Variants in KIF20B observed in about 807,000 individuals in gnomAD.
KIF20B encodes kinesin family member 20B.
Under a neutral mutation model 232.5 loss-of-function variants are expected in KIF20B, and 188 were observed. The observed-to-expected ratio is 0.81, with a 90% CI of 0.72 to 0.91. The LOEUF (loss-of-function observed/expected upper bound fraction) is 0.91, where lower values mean the gene tolerates loss of function less well. Among genes scored for constraint, KIF20B ranks in the 40% least tolerant of loss-of-function variants. The pLI, the probability that KIF20B is intolerant of heterozygous loss-of-function variation, is 0.00. For missense variants in KIF20B, 2,154 were observed against 2,055.9 expected (o/e 1.05, Z -0.92); for synonymous variants, 712 against 683.0 (o/e 1.04, Z -0.66).
chr10:89,762,878 T>C, intron 29 of KIF20B, 43 bp downstream of exon 29: 3 of 1,396,236 alleles, frequency 2.1e-6, no homozygotes, highest in Non-Finnish European at 3.0e-6. Flanking sequence ...ACAAATCTTA[T>C]TATAAAGCTG....
At position 89,738,297 on chromosome 10, in the gene KIF20B, TAC is replaced by T. The variant is rs778104096; in HGVS notation, c.3460_3461del (p.Gln1154ArgfsTer6). 7 of 1,612,080 alleles carry T rather than the reference TAC, an allele frequency of 4.3e-6. No homozygotes were observed. The Admixed American group carries it at 1.2e-4, about 27-fold the overall frequency. On this transcript the variant is annotated frameshift_variant, in exon 20 of 33. Transcript: ENST00000371728. LOFTEE classifies it high-confidence loss of function. ...AAGGAAAGAGAGCGCTTTCAGAACTTACACAAGGTGTTACTTGCTATAAGGCA... is the reference window on the plus strand; with the variant it reads ...AAGGAAAGAGAGCGCTTTCAGAACTTACAAGGTGTTACTTGCTATAAGGCA... The part of the protein sequence containing the change: ...VEGKRALSEL[T>X]QGVTCYKAKI...
intron 4 of KIF20B, among the ~76,000 whole-genome samples, 191 bp downstream of exon 4, chr10:89,709,652 GTTA>G (rs1337340889): frequency 4.0e-5 from 6 of 151,272 alleles, no homozygotes; most frequent in Middle Eastern, 3.4e-3. Flanking sequence ...TGTTATTAAA[GTTA>G]TTATTACTAT....
At chr10:89,748,859 C>G (rs1376614764) in intron 23 of KIF20B, among the ~76,000 whole-genome samples, 1 of 152,148 alleles carries the variant, frequency 6.6e-6, no homozygotes, top group Non-Finnish European at 1.5e-5. Flanking sequence ...CTATTTTAAT[C>G]TGACTTCCAC....
chr10:89,757,050 A>G (rs1337171007), intron 26 of KIF20B, among the ~76,000 whole-genome samples: 1,381 of 119,404 alleles, frequency 0.012, 17 homozygotes, highest in Middle Eastern at 0.022. Flanking sequence ...GTATATATAT[A>G]TATATATATA....
chr10:89,719,262 G>A (rs1842998115), intron 12 of KIF20B, among the ~76,000 whole-genome samples, 157 bp from the exon 13 acceptor site: 1 of 152,100 alleles, frequency 6.6e-6, no homozygotes, highest in African/African-American at 2.4e-5. Context: ...CTATCAGAAT[G>A]TTCTTTTAGG....
Position 89,768,900 on chromosome 10 carries a change from A to T in KIF20B, c.5242+12A>T, listed in dbSNP as rs1390481145. On this transcript the variant is annotated intron_variant, in intron 31 of 32. Coordinates refer to ENST00000371728, the MANE Select transcript of KIF20B (RefSeq NM_001284259.2). Reference sequence around the variant, plus strand: ...TCTTCAATCAAAAGGTTTGCAGAAAATTAATTAAATGACCTTTTTTTGTTA... The same window carrying T: ...TCTTCAATCAAAAGGTTTGCAGAAATTTAATTAAATGACCTTTTTTTGTTA... 6.4e-7 allele frequency: 1 copy of T among 1,574,646 alleles called. No homozygotes were observed. Among genetic ancestry groups the T allele is most frequent in the Non-Finnish European group, 8.6e-7 (1 of 1,166,236 alleles).
At chr10:89,740,405 C>T (rs1187608846) in intron 21 of KIF20B, among the ~76,000 whole-genome samples, 1 of 151,960 alleles carries the variant, frequency 6.6e-6, no homozygotes, top group Non-Finnish European at 1.5e-5. Flanking sequence ...CTGGGTGTAC[C>T]ACCCTCCTAA....
chr10:89,749,183 A>T lies in KIF20B; in HGVS notation c.4097-2163A>T, dbSNP rs191575242. Among the ~76,000 whole-genome samples the T allele has an allele frequency of 3.0e-3, 458 of 152,142 alleles. 3 individuals carry two copies. Among genetic ancestry groups the T allele is most frequent in the African/African-American group, 0.01 (427 of 41,520 alleles). The stretch of plus-strand genomic sequence containing the variant: ...GATTAAGATGTCGTTATCTTTTTTT[A>T]AAATTATTTTTTCCTTTAGAGAGAA... On this transcript the variant is annotated intron_variant, in intron 23 of 32. Transcript: ENST00000371728.
intron 23 of KIF20B, among the ~76,000 whole-genome samples, chr10:89,746,897 ATTC>A (rs1377176166): frequency 6.6e-6 from 1 of 152,256 alleles, no homozygotes; most frequent in Non-Finnish European, 1.5e-5. Context: ...CTTAAAGCTT[ATTC>A]TTAGAAAAAT....
At chr10:89,734,989 A>G (rs1049986603) in intron 19 of KIF20B, among the ~76,000 whole-genome samples, 2 of 152,208 alleles carry the variant, frequency 1.3e-5, no homozygotes, top group African/African-American at 2.4e-5. Context: ...CCAAATCACT[A>G]TCTTTGGTAT....
At position 89,751,331 on chromosome 10, in the gene KIF20B, T is replaced by C. The variant is rs1028984897; in HGVS notation, c.4097-15T>C. ...GAGGCTATTAATTTCTAAAATGTTC[T>C]CCCCCGATTTTTAGATCTAAATGTT... On this transcript the variant is annotated splice_polypyrimidine_tract_variant and intron_variant, in intron 23 of 32. Transcript: ENST00000371728. 1.5e-5 allele frequency: 23 copies of C among 1,580,988 alleles called. No individual in the cohort carries two copies. The highest frequency in any genetic ancestry group is 1.9e-5 in the Non-Finnish European group (22 of 1,166,772).
chr10:89,712,861 CTATTAT>C (rs960827957), intron 6 of KIF20B, among the ~76,000 whole-genome samples: 6 of 151,956 alleles, frequency 3.9e-5, no homozygotes, highest in African/African-American at 1.5e-4. Context: ...TATTTTTACC[CTATTAT>C]TATTAATGCA....
intron 6 of KIF20B, 75 bp downstream of exon 6, chr10:89,711,220 AT>A (rs1041344148): frequency 1.1e-6 from 1 of 916,846 alleles, no homozygotes; most frequent in African/African-American, 1.7e-5. Flanking sequence ...GTTTCACCAT[AT>A]ATTGGAATCT....
At chr10:89,724,617 T>C (rs1843140551) in intron 14 of KIF20B, among the ~76,000 whole-genome samples, 1 of 152,150 alleles carries the variant, frequency 6.6e-6, no homozygotes, top group African/African-American at 2.4e-5. Flanking sequence ...ATTTTAATTT[T>C]TTGAGATGGA....
rs778690180 is a variant in KIF20B at position 89,738,230 on chromosome 10, A to G, written c.3389A>G (p.Glu1130Gly). Residue 1130 changes from glutamate (E) to glycine (G), a missense_variant, in exon 20 of 33, where the codon GAA becomes GGA. Coordinates refer to ENST00000371728, the MANE Select transcript of KIF20B (RefSeq NM_001284259.2). The part of the protein sequence containing the change: ...LIQQLKEELQ[E>G]KNVTLDVQIQ... Reference sequence around the variant, plus strand: ...CAGCAGCTGAAAGAAGAATTGCAAGAAAAAAATGTTACTCTTGATGTTCAA... The same window carrying G: ...CAGCAGCTGAAAGAAGAATTGCAAGGAAAAAATGTTACTCTTGATGTTCAA... The G allele has an allele frequency of 1.7e-5, 27 of 1,602,134 alleles. 1 individual carries two copies. The Admixed American group carries it at 3.8e-4, about 23-fold the overall frequency.
intron 23 of KIF20B, among the ~76,000 whole-genome samples, chr10:89,747,861 A>G (rs1210021309): frequency 6.9e-6 from 1 of 144,032 alleles, no homozygotes; most frequent in African/African-American, 2.7e-5. Flanking sequence ...CATTGTGCAC[A>G]TGTACCCTAA....
chr10:89,721,968 A>G (rs1440457621), intron 13 of KIF20B, among the ~76,000 whole-genome samples: 2 of 152,038 alleles, frequency 1.3e-5, no homozygotes, highest in Non-Finnish European at 2.9e-5. Flanking sequence ...CTGGAGTGCA[A>G]TAGTGTAGTT....
In KIF20B at chr10:89,715,015, A is replaced by C. The variant is rs1842909249; in HGVS notation, c.773A>C (p.Gln258Pro). 1.2e-6 allele frequency: 2 copies of C among 1,603,276 alleles called. No homozygotes were observed. The highest frequency in any genetic ancestry group is 2.7e-5 in the African/African-American group (2 of 74,462). Residue 258 changes from glutamine to proline, a missense_variant, in exon 8 of 33, where the codon CAA becomes CCA. Transcript: ENST00000371728. Reference protein sequence around the residue: ...EFEESIKDYEQANLNMANSIK... With the variant: ...EFEESIKDYEPANLNMANSIK... ...GAAGAATCCATAAAAGATTATGAAC[A>C]AGCCAACTTGAATATGGCTAATAGT... is the stretch of plus-strand genomic sequence containing the variant.
chr10:89,742,063 A>T (rs955812591), intron 21 of KIF20B, among the ~76,000 whole-genome samples: 1 of 152,218 alleles, frequency 6.6e-6, no homozygotes, highest in African/African-American at 2.4e-5. Context: ...TAAAGAAAAA[A>T]AATTGTAATC....
Sources: gnomAD v4.1 joint callset for allele counts (sites outside exome capture counted in the v4.1 genomes callset) on GRCh38, gnomAD v4.1.1 for gene constraint, MANE v1.5 for transcripts, NCBI Gene and HGNC (gene_info 2026-07-23, HGNC 2026-07-21) for gene names.